UPB1: variants seen among roughly 807,000 people sequenced by gnomAD.
UPB1 encodes beta-ureidopropionase 1, also known as beta-ureidopropionase.
In UPB1, 40 loss-of-function variants were observed where a neutral mutation model predicts 49.1. The observed-to-expected ratio is 0.81, with a 90% CI of 0.63 to 1.06. The LOEUF is 1.06. UPB1 is among the 50% of genes least tolerant of loss of function. The pLI is 0.00. For missense variants in UPB1, 499 were observed against 505.9 expected, an observed-to-expected ratio of 0.99 and a Z score of 0.13; for synonymous variants, 207 against 198.2, an observed-to-expected ratio of 1.04 and a Z score of -0.38.
intron 9 of UPB1, 130 bp from the exon 10 acceptor site, chr22:24,525,581 C>CACTGT: frequency 9.7e-7 from 1 of 1,026,246 alleles, no homozygotes; most frequent in South Asian, 1.3e-5. Flanking sequence ...GCCAAGAGGT[C>CACTGT]ACTGTCAACG....
At chr22:24,499,668 GC>G (rs2043954838) in intron 1 of UPB1, among the ~76,000 whole-genome samples, 1 of 152,146 alleles carries the variant, frequency 6.6e-6, no homozygotes, top group South Asian at 2.1e-4. Flanking sequence ...TGTCTCCTGA[GC>G]CCCATTTTCC....
rs138872001 is a variant in UPB1, at chr22:24,502,207, G to T, written c.358G>T (p.Ala120Ser). 226 of 1,614,176 alleles carry T rather than the reference G, an allele frequency of 1.4e-4. No individual in the cohort carries two copies. In the African/African-American group the frequency reaches 2.7e-3, roughly 19 times the overall value. ...CGVNIICFQE[A>S]WTMPFAFCTR... is the part of the protein sequence containing the mutation. Reference sequence around the variant, plus strand: ...AGTCAACATCATCTGTTTCCAGGAAGCATGGAGTGAGTCTTTTTTATGGTG... The same window carrying T: ...AGTCAACATCATCTGTTTCCAGGAATCATGGAGTGAGTCTTTTTTATGGTG... The change falls in exon 3 of 10, where the codon GCA (alanine) becomes TCA (serine). Residue 120 changes from alanine (A) to serine (S), a missense_variant. Ala to Ser is a moderately conservative substitution (Grantham distance 99). Coordinates refer to ENST00000326010, the MANE Select transcript of UPB1 (RefSeq NM_016327.3).
At chr22:24,517,019 C>T (rs777151830) in intron 6 of UPB1, among the ~76,000 whole-genome samples, 17 of 152,196 alleles carry the variant, frequency 1.1e-4, no homozygotes, top group Admixed American at 3.3e-4. Context: ...CCACTGCCCC[C>T]GGCCAAATTT....
chr22:24,520,168 A>G, intron 6 of UPB1: 1 of 603,448 alleles, frequency 1.7e-6, no homozygotes, highest in South Asian at 1.9e-5. Flanking sequence ...GGCCAGGGCA[A>G]GGTGCTGAGG....
At position 24,515,226 on chromosome 22, in the gene UPB1, TG is replaced by T. The variant is rs1240542824; in HGVS notation, c.650del (p.Gly217AlafsTer14). The T allele has an allele frequency of 6.2e-7, 1 of 1,614,192 alleles. No homozygotes were observed. Among genetic ancestry groups the T allele is most frequent in the Admixed American group, 1.7e-5 (1 of 60,024 alleles). ...TCAACTTACTACATGGAGGGAAACC[TG>T]GGCCACCCCGTGTTCCAGACGCAGT... ...NESTYYMEGN[L>X]GHPVFQTQFG... On this transcript the variant is annotated frameshift_variant, in exon 6 of 10. Coordinates refer to ENST00000326010, the MANE Select transcript of UPB1 (RefSeq NM_016327.3). LOFTEE classifies it high-confidence loss of function.
chr22:24,515,326 GGC>G lies in UPB1; in HGVS notation c.748_749del (p.Ala250Ter), dbSNP rs765854590. 3 of 1,614,148 alleles carry G rather than the reference GGC, an allele frequency of 1.9e-6. No individual in the cohort carries two copies. The highest frequency in any genetic ancestry group is 2.5e-6 in the Non-Finnish European group (3 of 1,180,036). ...ACTGGCTTATGTACAGCATCAACGGGGCTGAGATCATCTTCAACCCCTCGGCC... is the reference window on the plus strand; with the variant it reads ...ACTGGCTTATGTACAGCATCAACGGGTGAGATCATCTTCAACCCCTCGGCC... ...LNWLMYSINGAEIIFNPSATI... is the reference protein window; with the variant it reads ...LNWLMYSINGXEIIFNPSATI... On this transcript the variant is annotated frameshift_variant, in exon 6 of 10. Transcript: ENST00000326010. LOFTEE classifies it high-confidence loss of function.
intron 3 of UPB1, among the ~76,000 whole-genome samples, chr22:24,505,715 A>T (rs2044077467): frequency 6.6e-6 from 1 of 151,480 alleles, no homozygotes; most frequent in African/African-American, 2.4e-5. Flanking sequence ...TTTTATTTTT[A>T]TTTTTATTTT....
Position 24,522,031 on chromosome 22 carries a change from A to C in UPB1, c.916+3A>C. 1 of 1,613,874 alleles carries C rather than the reference A, an allele frequency of 6.2e-7. No individual in the cohort carries two copies. The stretch of plus-strand genomic sequence containing the variant: ...TACCTCGGGAGATGGAAAGAAAGGT[A>C]TGTCCCATGAACCATGGTGGCTGCA... On this transcript the variant is annotated splice_donor_region_variant and intron_variant, in intron 8 of 9. Transcript: ENST00000326010.
rs34035085 is a variant in UPB1 at position 24,500,256 on chromosome 22, C to T, written c.254C>T (p.Ala85Val). 8 of 1,614,076 alleles carry T rather than the reference C, an allele frequency of 5.0e-6. No homozygotes were observed. In the South Asian group the frequency reaches 8.8e-5, roughly 18 times the overall value. Residue 85 changes from alanine (A) to valine (V), a missense_variant, in exon 2 of 10, where the codon GCA becomes GTA. Physicochemically the swap from Ala to Val is moderately conservative, Grantham distance 64 (BLOSUM62 0). Coordinates refer to ENST00000326010, the MANE Select transcript of UPB1 (RefSeq NM_016327.3). The part of the protein sequence containing the change: ...GLVQNRIPLP[A>V]NAPVAEQVSA... ...GTTCAGAACAGAATCCCCCTCCCCG[C>T]AAATGCCCCTGTGGCAGAACAGGTG... is the stretch of plus-strand genomic sequence containing the variant.
At chr22:24,513,523 C>G in intron 5 of UPB1, 38 bp downstream of exon 5, 1 of 1,602,200 alleles carries the variant, frequency 6.2e-7, no homozygotes, top group Non-Finnish European at 8.5e-7. Flanking sequence ...GCCCTGCTCA[C>G]TTGCCCCTCT....
chr22:24,525,264 C>T (rs1159713390), intron 9 of UPB1, among the ~76,000 whole-genome samples: 1 of 152,148 alleles, frequency 6.6e-6, no homozygotes, highest in Non-Finnish European at 1.5e-5. Flanking sequence ...GGCTTTCCAA[C>T]TCCACCAGCC....
chr22:24,515,644 T>A (rs187074127), intron 6 of UPB1, among the ~76,000 whole-genome samples: 1 of 152,158 alleles, frequency 6.6e-6, no homozygotes, highest in South Asian at 2.1e-4. Context: ...ATGAAAATAA[T>A]TCCCCCCTTT....
chr22:24,517,578 A>G (rs1012764138), intron 6 of UPB1, among the ~76,000 whole-genome samples: 6 of 151,928 alleles, frequency 3.9e-5, no homozygotes, highest in African/African-American at 1.5e-4. Flanking sequence ...GCCCTCCCTG[A>G]CCCTCCTATC....
At chr22:24,510,944 A>G (rs2044188139) in intron 4 of UPB1, 101 bp downstream of exon 4, 3 of 1,207,638 alleles carry the variant, frequency 2.5e-6, no homozygotes, top group Non-Finnish European at 3.7e-6. Flanking sequence ...TGGAAAATGC[A>G]CCCATTTGGT....
At chr22:24,507,358 T>A (rs1482037103) in intron 3 of UPB1, among the ~76,000 whole-genome samples, 1 of 152,128 alleles carries the variant, frequency 6.6e-6, no homozygotes, top group African/African-American at 2.4e-5. Flanking sequence ...GCCTGCCGCC[T>A]GCTTGGCAAG....
intron 3 of UPB1, among the ~76,000 whole-genome samples, chr22:24,506,128 C>A (rs1239487004): frequency 6.7e-6 from 1 of 148,464 alleles, no homozygotes; most frequent in Non-Finnish European, 1.5e-5. Flanking sequence ...TCAAAAAATT[C>A]TCCTGCCTCA....
chr22:24,510,722 T>C lies in UPB1; in HGVS notation c.365-27T>C, dbSNP rs760475383. 26 of 1,611,584 alleles carry C rather than the reference T, an allele frequency of 1.6e-5. No individual in the cohort carries two copies. The East Asian group carries it at 4.7e-4, about 29-fold the overall frequency. On this transcript the variant is annotated intron_variant, in intron 3 of 9. Coordinates refer to ENST00000326010, the MANE Select transcript of UPB1 (RefSeq NM_016327.3). ...CCTCAGAGGCTGTGCATGTTGGATA[T>C]AATTCTGCCCTTTCTCCTATTTATA...
intron 3 of UPB1, among the ~76,000 whole-genome samples, chr22:24,506,244 T>A (rs1198846214): frequency 6.9e-6 from 1 of 145,564 alleles, no homozygotes; most frequent in Non-Finnish European, 1.5e-5. Flanking sequence ...TGGTCTCGAA[T>A]TCCTGACCTC....
Position 24,526,061 on chromosome 22 carries a change from T to C in UPB1, c.*267T>C, listed in dbSNP as rs1240173786. On this transcript the variant is annotated 3_prime_UTR_variant, in exon 10 of 10. Coordinates refer to ENST00000326010, the MANE Select transcript of UPB1 (RefSeq NM_016327.3). The stretch of plus-strand genomic sequence containing the variant: ...TTTGTATACTTCAGAATGTTTGTTA[T>C]GTAAATTTTACCTCAACTAAAAAAA... 2 of 476,646 alleles carry C rather than the reference T, an allele frequency of 4.2e-6. No individual in the cohort carries two copies. Among genetic ancestry groups the C allele is most frequent in the Non-Finnish European group, 7.7e-6 (2 of 260,284 alleles). The allele number at this position is 476,646 out of a possible 1,614,324, so 29.5% of individuals were successfully genotyped here. A position where few individuals can be genotyped will look rare whatever the true frequency, so the allele number is the denominator to read the frequency against.
Sources: gnomAD v4.1 joint callset for allele counts (sites outside exome capture counted in the v4.1 genomes callset) on GRCh38, gnomAD v4.1.1 for gene constraint, MANE v1.5 for transcripts, NCBI Gene and HGNC (gene_info 2026-07-23, HGNC 2026-07-21) for gene names.